Variants in SND1 observed in about 807,000 individuals in gnomAD.
The protein encoded by SND1 is staphylococcal nuclease domain-containing protein 1.
Under a neutral mutation model 121.7 loss-of-function variants are expected in SND1, and 38 were observed. The ratio of observed to expected loss-of-function variants is 0.31; its 90% CI spans 0.24 to 0.41. The LOEUF is 0.41. Among genes scored for constraint, SND1 ranks in the 10% least tolerant of loss-of-function variants. The pLI, the probability that SND1 is intolerant of heterozygous loss-of-function variation, is 1.00. For missense variants in SND1, 868 were observed against 1,184.6 expected (o/e 0.73, Z 3.92); for synonymous variants, 401 against 447.4 (o/e 0.90, Z 1.31).
intron 10 of SND1, among the ~76,000 whole-genome samples, chr7:127,764,317 T>C (rs1253777742): frequency 6.6e-6 from 1 of 152,258 alleles, no homozygotes; most frequent in African/African-American, 2.4e-5. Context: ...ACACATTATG[T>C]GTACTTCCAC....
At chr7:127,823,525 A>G (rs1798588873) in intron 11 of SND1, among the ~76,000 whole-genome samples, 1 of 152,196 alleles carries the variant, frequency 6.6e-6, no homozygotes, top group Non-Finnish European at 1.5e-5. Context: ...AGGGCAAAGT[A>G]TGCACCCTAC....
chr7:128,001,511 A>T (rs757817718), intron 16 of SND1, among the ~76,000 whole-genome samples: 21 of 152,350 alleles, frequency 1.4e-4, no homozygotes, highest in Admixed American at 4.6e-4. Flanking sequence ...TGCCTCACCT[A>T]TGTAAGGAGG....
chr7:128,019,457 A>T (rs913196264), intron 16 of SND1, among the ~76,000 whole-genome samples: 1 of 152,210 alleles, frequency 6.6e-6, no homozygotes, highest in Non-Finnish European at 1.5e-5. Flanking sequence ...CATTAGAGTC[A>T]GGCCATTATT....
At chr7:128,066,724 G>C (rs1793321644) in intron 16 of SND1, among the ~76,000 whole-genome samples, 1 of 152,216 alleles carries the variant, frequency 6.6e-6, no homozygotes, top group Non-Finnish European at 1.5e-5. Context: ...ACTGTGTTAA[G>C]GTGAGGTATC....
intron 16 of SND1, among the ~76,000 whole-genome samples, chr7:128,064,144 C>T (rs898797211): frequency 1.3e-5 from 2 of 152,046 alleles, no homozygotes; most frequent in Non-Finnish European, 2.9e-5. Flanking sequence ...CACTGAAGCC[C>T]TTTGAGGTAG....
At chr7:127,966,000 G>A (rs1235294641) in intron 15 of SND1, among the ~76,000 whole-genome samples, 2 of 106,278 alleles carry the variant, frequency 1.9e-5, no homozygotes, top group Admixed American at 1.1e-4. Flanking sequence ...TGTATGTGTC[G>A]AGGAATGTAT....
intron 21 of SND1, among the ~76,000 whole-genome samples, chr7:128,088,300 AAAT>A (rs1320650216): frequency 2.7e-5 from 4 of 148,690 alleles, no homozygotes; most frequent in African/African-American, 1.0e-4. Flanking sequence ...AAAAAAAAAA[AAAT>A]AGCTGGGTGT....
chr7:127,751,389 AT>A lies in SND1; in HGVS notation c.1152+29990del, dbSNP rs553370663. On this transcript the variant is annotated intron_variant, in intron 10 of 23. Coordinates refer to ENST00000354725, the MANE Select transcript of SND1 (RefSeq NM_014390.4). ...CAAGAGCTGAGTCCTGGCTGTTTCC[AT>A]GGTAGAGTAGTATGCATTGTTTAGA... Among the ~76,000 whole-genome samples the A allele has an allele frequency of 1.7e-3, 258 of 152,294 alleles. 1 individual carries two copies. The highest frequency in any genetic ancestry group is 5.9e-3 in the African/African-American group (246 of 41,544).
At chr7:128,091,338 C>T (rs1368581228) in intron 22 of SND1, among the ~76,000 whole-genome samples, 1 of 152,166 alleles carries the variant, frequency 6.6e-6, no homozygotes, top group African/African-American at 2.4e-5. Context: ...CCCACCTCAG[C>T]CTGCCAAGTA....
chr7:128,054,449 C>T (rs1793102044), intron 16 of SND1, among the ~76,000 whole-genome samples: 1 of 152,200 alleles, frequency 6.6e-6, no homozygotes, highest in Admixed American at 6.5e-5. Flanking sequence ...TGGAGGGAGG[C>T]ACGAGCACCT....
intron 11 of SND1, among the ~76,000 whole-genome samples, chr7:127,836,139 A>G (rs1798863461): frequency 6.6e-6 from 1 of 152,098 alleles, no homozygotes; most frequent in Non-Finnish European, 1.5e-5. Flanking sequence ...ATTCAGCTGT[A>G]TTTTACCTTT....
At chr7:127,772,235 G>T (rs1379453946) in intron 10 of SND1, among the ~76,000 whole-genome samples, 3 of 152,166 alleles carry the variant, frequency 2.0e-5, no homozygotes, top group Non-Finnish European at 4.4e-5. Flanking sequence ...GACTCTGAGA[G>T]TATGTGTCTT....
At chr7:127,704,716 A>G in intron 7 of SND1, 123 bp from the exon 8 acceptor site, 1 of 808,334 alleles carries the variant, frequency 1.2e-6, no homozygotes, top group Non-Finnish European at 2.0e-6. Flanking sequence ...TACTGTAAAC[A>G]AACAAACAAA....
chr7:127,859,633 GT>G lies in SND1; in HGVS notation c.1343+15214del, dbSNP rs540356172. On this transcript the variant is annotated intron_variant, in intron 12 of 23. Coordinates refer to ENST00000354725, the MANE Select transcript of SND1 (RefSeq NM_014390.4). ...TTAGCTGAAGTTTTCTGTCTGGGTA[GT>G]TTTTCATAAAACTTGATAGACTCAC... Among the ~76,000 whole-genome samples the G allele has an allele frequency of 3.9e-5, 6 of 152,246 alleles. No homozygotes were observed. In the East Asian group the frequency reaches 1.2e-3, roughly 29 times the overall value.
Position 128,022,314 on chromosome 7 carries a change from T to C in SND1, c.1779+31258T>C, listed in dbSNP as rs548061213. 5.9e-5 allele frequency among the ~76,000 whole-genome samples: 9 copies of C among 151,938 alleles called. No homozygotes were observed. In the South Asian group the frequency reaches 1.9e-3, roughly 32 times the overall value. ...TTGATTTAAACTGTAGTAATTACTC[T>C]AGTAATGTTCCTGAGTGTACAGAAT... On this transcript the variant is annotated intron_variant, in intron 16 of 23. Transcript: ENST00000354725.
intron 13 of SND1, among the ~76,000 whole-genome samples, chr7:127,903,694 A>G (rs1800278819): frequency 6.6e-6 from 1 of 152,168 alleles, no homozygotes; most frequent in South Asian, 2.1e-4. Flanking sequence ...TTAGAAAGTG[A>G]TGACCCTGAA....
intron 10 of SND1, among the ~76,000 whole-genome samples, chr7:127,785,442 T>C (rs1797794588): frequency 6.6e-6 from 1 of 152,198 alleles, no homozygotes. Context: ...AGAAAAATCT[T>C]ATATGAGTTT....
intron 16 of SND1, among the ~76,000 whole-genome samples, chr7:128,037,325 T>C (rs1400851740): frequency 6.6e-6 from 1 of 152,162 alleles, no homozygotes. Flanking sequence ...CCACATTGCC[T>C]TCTCCTTTTC....
intron 10 of SND1, among the ~76,000 whole-genome samples, chr7:127,760,757 C>A (rs1797291244): frequency 6.6e-6 from 1 of 152,134 alleles, no homozygotes; most frequent in Non-Finnish European, 1.5e-5. Context: ...TATCCAGTAG[C>A]CCTTTGGTAT....
Sources: allele counts gnomAD v4.1 joint callset (sites outside exome capture counted in the v4.1 genomes callset), GRCh38; gene constraint gnomAD v4.1.1; transcripts MANE v1.5; gene names NCBI Gene and HGNC (gene_info 2026-07-23, HGNC 2026-07-21).